Variants in ZNRF3 observed in about 807,000 individuals in gnomAD.
ZNRF3 encodes the protein E3 ubiquitin-protein ligase ZNRF3.
Under a neutral mutation model 72.5 loss-of-function variants are expected in ZNRF3, and 23 were observed. The observed-to-expected ratio is 0.32, with a 90% CI of 0.23 to 0.45. ZNRF3 has a LOEUF of 0.45. ZNRF3 is among the 20% of genes least tolerant of loss of function. The pLI, the probability that ZNRF3 is intolerant of heterozygous loss-of-function variation, is 1.00. For synonymous variants in ZNRF3, 610 were observed against 545.3 expected, an observed-to-expected ratio of 1.12 and a Z score of -1.65; for missense variants, 1,169 against 1,272.1, an observed-to-expected ratio of 0.92 and a Z score of 1.23.
intron 2 of ZNRF3, among the ~76,000 whole-genome samples, chr22:29,023,585 A>G (rs2036574644): frequency 1.3e-5 from 2 of 152,072 alleles, no homozygotes; most frequent in African/African-American, 4.8e-5. Context: ...TCAGTTCCCT[A>G]CGGTGGGCTA....
At chr22:28,922,684 T>C (rs538073074) in intron 1 of ZNRF3, among the ~76,000 whole-genome samples, 1 of 152,330 alleles carries the variant, frequency 6.6e-6, no homozygotes, top group East Asian at 1.9e-4. Context: ...CTCTGCGTTC[T>C]GGCCTTGGGT....
intron 2 of ZNRF3, among the ~76,000 whole-genome samples, chr22:29,020,414 C>T (rs145598156): frequency 2.1e-3 from 314 of 151,912 alleles, no homozygotes; most frequent in Non-Finnish European, 2.5e-3. Flanking sequence ...GTGCATGCCA[C>T]CATGCCCAGC....
At chr22:28,996,762 C>T (rs114227060) in intron 2 of ZNRF3, among the ~76,000 whole-genome samples, 3,865 of 152,300 alleles carry the variant, frequency 0.025, 76 homozygotes, top group African/African-American at 0.058. Context: ...TTTGAAGAAC[C>T]TCAGCGAAGA....
intron 1 of ZNRF3, among the ~76,000 whole-genome samples, chr22:28,885,194 C>T (rs2033756156): frequency 6.6e-6 from 1 of 152,154 alleles, no homozygotes; most frequent in East Asian, 1.9e-4. Context: ...CCGTGGTGTC[C>T]TTTTCCTTCC....
In ZNRF3 at chr22:28,883,861, C is replaced by A; in HGVS notation, c.95C>A (p.Pro32Gln). ...CGCGGCCTCCGGTGCAGCCGCCTGC[C>A]GCCGCCGCCGCCGCTGCCGCTGCTG... is the stretch of plus-strand genomic sequence containing the variant. ...RPRGLRCSRL[P>Q]PPPPLPLLLG... The change falls in exon 1 of 9, where the codon CCG (proline) becomes CAG (glutamine). Residue 32 changes from proline (P) to glutamine (Q), a missense_variant. Physicochemically the swap from Pro to Gln is moderately conservative, Grantham distance 76 (BLOSUM62 -1). Transcript: ENST00000544604. This position sits in a 1 kb window ranked among gnomAD's most constrained non-coding sequence, Gnocchi z 5.5. The A allele has an allele frequency of 1.0e-6, 1 of 990,040 alleles. No homozygotes were observed. The highest frequency in any genetic ancestry group is 4.5e-5 in the South Asian group (1 of 22,030). The allele number at this position is 990,040 out of a possible 1,614,324, so 61.3% of individuals were successfully genotyped here.
At chr22:28,958,044 C>T (rs568307449) in intron 1 of ZNRF3, among the ~76,000 whole-genome samples, 52 of 152,112 alleles carry the variant, frequency 3.4e-4, no homozygotes, top group African/African-American at 2.4e-4. Context: ...AAAAATTAGC[C>T]GGGCGTTGTG....
chr22:29,008,982 T>C (rs1463993678), intron 2 of ZNRF3, among the ~76,000 whole-genome samples: 1 of 152,196 alleles, frequency 6.6e-6, no homozygotes, highest in Non-Finnish European at 1.5e-5. Context: ...ACTAGAGCTA[T>C]CCAAACTCTT....
chr22:28,895,121 C>G (rs1033287371), intron 1 of ZNRF3, among the ~76,000 whole-genome samples: 6 of 152,196 alleles, frequency 3.9e-5, no homozygotes, highest in African/African-American at 1.4e-4. Context: ...TTGTGCTTGG[C>G]AAGTCTCTTT....
At chr22:28,981,555 TA>T (rs1407581739) in intron 1 of ZNRF3, among the ~76,000 whole-genome samples, 1 of 152,132 alleles carries the variant, frequency 6.6e-6, no homozygotes, top group African/African-American at 2.4e-5. Context: ...TCTTAAAAAA[TA>T]AAAATGAAAG....
At chr22:28,927,408 CA>C (rs910540057) in intron 1 of ZNRF3, among the ~76,000 whole-genome samples, 1 of 151,766 alleles carries the variant, frequency 6.6e-6, no homozygotes, top group Non-Finnish European at 1.5e-5. Flanking sequence ...AACAAACAAA[CA>C]AAAAAAACCT....
chr22:28,956,132 A>G (rs1040134884), intron 1 of ZNRF3, among the ~76,000 whole-genome samples: 1 of 152,092 alleles, frequency 6.6e-6, no homozygotes, highest in Non-Finnish European at 1.5e-5. Context: ...GGCCTGGCAG[A>G]TGTCACCTTC....
chr22:28,923,418 C>G (rs932449113), intron 1 of ZNRF3, among the ~76,000 whole-genome samples: 21 of 152,114 alleles, frequency 1.4e-4, no homozygotes, highest in African/African-American at 5.1e-4. Context: ...GATCTACCCT[C>G]ACACCCGCCA....
chr22:28,978,808 T>C lies in ZNRF3; in HGVS notation c.301-8268T>C, dbSNP rs182063966. On this transcript the variant is annotated intron_variant, in intron 1 of 8. Coordinates refer to ENST00000544604, the MANE Select transcript of ZNRF3 (RefSeq NM_001206998.2). ...TCTTTCTAAATTTCTGTAACTCTTA[T>C]AGTCAATTGCAGAATAATTTATTGA... Among the ~76,000 whole-genome samples, 865 of 152,328 alleles carry C rather than the reference T, an allele frequency of 5.7e-3. 14 individuals are homozygous for C. Among genetic ancestry groups the C allele is most frequent in the African/African-American group, 0.02 (834 of 41,570 alleles).
intron 2 of ZNRF3, among the ~76,000 whole-genome samples, chr22:29,019,931 C>T (rs116422964): frequency 0.029 from 4,360 of 152,166 alleles, 109 homozygotes; most frequent in African/African-American, 0.067. Flanking sequence ...CACCCCACCC[C>T]ACCCCCATCT....
chr22:28,891,889 C>G (rs974382704), intron 1 of ZNRF3, among the ~76,000 whole-genome samples: 1 of 152,136 alleles, frequency 6.6e-6, no homozygotes, highest in Non-Finnish European at 1.5e-5. Flanking sequence ...AGCCAATCTA[C>G]CAGGTTCACA....
At chr22:28,905,406 G>T (rs573252123) in intron 1 of ZNRF3, among the ~76,000 whole-genome samples, 1 of 152,152 alleles carries the variant, frequency 6.6e-6, no homozygotes, top group African/African-American at 2.4e-5. Flanking sequence ...ATCATTTCAG[G>T]CTTGCTCTGT....
At chr22:29,032,159 G>A (rs929224180) in intron 2 of ZNRF3, among the ~76,000 whole-genome samples, 1 of 152,202 alleles carries the variant, frequency 6.6e-6, no homozygotes, top group Admixed American at 6.5e-5. Flanking sequence ...TTTTAGGCTG[G>A]AGGAAAGGCA....
intron 1 of ZNRF3, among the ~76,000 whole-genome samples, chr22:28,952,526 G>A (rs898218383): frequency 2.0e-4 from 29 of 142,162 alleles, no homozygotes; most frequent in Non-Finnish European, 3.7e-4. Flanking sequence ...ATTTTGTTTG[G>A]TTCTTTTGTA....
At chr22:28,919,675 T>C (rs1393312323) in intron 1 of ZNRF3, among the ~76,000 whole-genome samples, 1 of 151,118 alleles carries the variant, frequency 6.6e-6, no homozygotes, top group Non-Finnish European at 1.5e-5. Context: ...CCTGGCTAAT[T>C]TTTGTATTTT....
Sources: allele counts gnomAD v4.1 joint callset (sites outside exome capture counted in the v4.1 genomes callset), GRCh38; gene constraint gnomAD v4.1.1; non-coding constraint Gnocchi (gnomAD v3.1); transcripts MANE v1.5; gene names NCBI Gene and HGNC (gene_info 2026-07-23, HGNC 2026-07-21).